The following DPYD variants were observed in gnomAD, a reference collection of about 807,000 sequenced individuals.
The protein encoded by DPYD is dihydropyrimidine dehydrogenase, also known as dihydropyrimidine dehydrogenase [NADP(+)].
DPYD carries 109 observed loss-of-function variants against 116.2 expected under a neutral mutation model. That is an observed-to-expected ratio of 0.94 (90% confidence interval 0.80 to 1.10). The LOEUF is 1.10. Ranked by LOEUF, DPYD falls within the 50% of genes least tolerant of loss-of-function variation. The probability of loss-of-function intolerance (pLI) is 0.00; values close to 1 mark genes in which losing one functional copy is unlikely to be tolerated. For missense variants in DPYD, 1,302 were observed against 1,254.5 expected, an observed-to-expected ratio of 1.04 and a Z score of -0.57; for synonymous variants, 440 against 432.0, an observed-to-expected ratio of 1.02 and a Z score of -0.23.
At chr1:97,433,601 A>G (rs978400969) in intron 14 of DPYD, among the ~76,000 whole-genome samples, 6 of 152,138 alleles carry the variant, frequency 3.9e-5, no homozygotes, top group Non-Finnish European at 1.5e-5. Flanking sequence ...ATAATCTCTT[A>G]TAGCTTTCTA....
At position 97,262,757 on chromosome 1, in the gene DPYD, GATA is replaced by G. The variant is rs71750812; in HGVS notation, c.2300-27766_2300-27764del. 9.7e-3 allele frequency among the ~76,000 whole-genome samples: 1,481 copies of G among 152,066 alleles called. 20 individuals carry two copies. The highest frequency in any genetic ancestry group is 0.034 in the African/African-American group (1,413 of 41,506). ...TTATAAGACATTTTCTGATAGAGAAGATAATATCAGACTTAGGTCTACAGCAGG... is the reference window on the plus strand; with the variant it reads ...TTATAAGACATTTTCTGATAGAGAAGATATCAGACTTAGGTCTACAGCAGG... On this transcript the variant is annotated intron_variant, in intron 18 of 22. Coordinates refer to ENST00000370192, the MANE Select transcript of DPYD (RefSeq NM_000110.4).
intron 1 of DPYD, among the ~76,000 whole-genome samples, chr1:97,894,320 C>T (rs754155589): frequency 1.3e-5 from 2 of 151,796 alleles, no homozygotes; most frequent in Non-Finnish European, 2.9e-5. Context: ...CTTCTAAAGG[C>T]TCCATCTTCA....
At chr1:97,476,273 A>G (rs536741446) in intron 13 of DPYD, among the ~76,000 whole-genome samples, 1 of 152,350 alleles carries the variant, frequency 6.6e-6, no homozygotes, top group South Asian at 2.1e-4. Context: ...TTGGACTATC[A>G]ATCAAAATCC....
At chr1:97,173,266 G>GTACATATATATGCACACATATA (rs1656904323) in intron 20 of DPYD, among the ~76,000 whole-genome samples, 1 of 146,346 alleles carries the variant, frequency 6.8e-6, no homozygotes, top group Admixed American at 6.7e-5. Context: ...GCACACATAT[G>GTACATATATATGCACACATATA]TACATATATA....
At chr1:97,650,966 C>A (rs1268832330) in intron 8 of DPYD, among the ~76,000 whole-genome samples, 1 of 151,984 alleles carries the variant, frequency 6.6e-6, no homozygotes, top group African/African-American at 2.4e-5. Flanking sequence ...ATTGTTCAAT[C>A]ATAAAATGAT....
intron 21 of DPYD, among the ~76,000 whole-genome samples, chr1:97,096,812 G>T (rs1017333204): frequency 6.6e-6 from 1 of 152,086 alleles, no homozygotes; most frequent in Non-Finnish European, 1.5e-5. Context: ...ACCTGCTGGG[G>T]TCCCTTTCCA....
intron 18 of DPYD, among the ~76,000 whole-genome samples, chr1:97,292,732 A>G (rs1159578136): frequency 6.6e-6 from 1 of 151,698 alleles, no homozygotes; most frequent in Non-Finnish European, 1.5e-5. Flanking sequence ...GCACACACAC[A>G]CACACACACA....
chr1:97,426,936 T>C (rs564847261), intron 14 of DPYD, among the ~76,000 whole-genome samples: 2 of 152,216 alleles, frequency 1.3e-5, no homozygotes, highest in East Asian at 3.9e-4. Flanking sequence ...TAGGCCAAAC[T>C]AGAATTTCAT....
intron 19 of DPYD, among the ~76,000 whole-genome samples, chr1:97,214,459 T>C (rs1195153859): frequency 6.6e-6 from 1 of 152,170 alleles, no homozygotes; most frequent in Non-Finnish European, 1.5e-5. Context: ...TCCTCCAAAA[T>C]AAGGCAGAAA....
chr1:97,300,200 A>G (rs532392061), intron 18 of DPYD, among the ~76,000 whole-genome samples: 2 of 152,272 alleles, frequency 1.3e-5, no homozygotes, highest in African/African-American at 4.8e-5. Context: ...GTCCATACAA[A>G]AAAAGGAAAA....
chr1:97,560,008 G>T (rs1432091515), intron 11 of DPYD, among the ~76,000 whole-genome samples: 1 of 152,130 alleles, frequency 6.6e-6, no homozygotes, highest in Non-Finnish European at 1.5e-5. Flanking sequence ...CACACCCTTA[G>T]GATTTAAACC....
At chr1:97,860,253 G>A (rs2101590073) in intron 2 of DPYD, among the ~76,000 whole-genome samples, 1 of 152,224 alleles carries the variant, frequency 6.6e-6, no homozygotes, top group South Asian at 2.1e-4. Context: ...TGAGATGGGA[G>A]GATCACTTGA....
intron 12 of DPYD, chr1:97,546,660 G>A: frequency 6.2e-7 from 1 of 1,612,848 alleles, no homozygotes; most frequent in Non-Finnish European, 8.5e-7. Flanking sequence ...ATAGGAAGGA[G>A]CAGACATTAA....
At chr1:97,509,904 T>G (rs995079008) in intron 13 of DPYD, among the ~76,000 whole-genome samples, 4 of 151,944 alleles carry the variant, frequency 2.6e-5, no homozygotes, top group African/African-American at 9.7e-5. Flanking sequence ...GATGTGACTT[T>G]GGGCATCAAT....
chr1:97,717,105 T>C (rs1260883976), intron 5 of DPYD, among the ~76,000 whole-genome samples: 1 of 152,000 alleles, frequency 6.6e-6, no homozygotes, highest in Non-Finnish European at 1.5e-5. Context: ...CAATTCCAGA[T>C]AGTTAATGGG....
intron 12 of DPYD, among the ~76,000 whole-genome samples, chr1:97,523,488 G>A (rs1323661259): frequency 6.6e-6 from 1 of 151,922 alleles, no homozygotes; most frequent in Non-Finnish European, 1.5e-5. Context: ...ATTGTCATCT[G>A]CAAGTTCCTT....
At chr1:97,756,769 C>A (rs1665267990) in intron 3 of DPYD, among the ~76,000 whole-genome samples, 2 of 152,248 alleles carry the variant, frequency 1.3e-5, no homozygotes, top group South Asian at 4.1e-4. Flanking sequence ...TATAAGATGA[C>A]AGTACAGTAT....
At chr1:97,424,827 A>G (rs952658124) in intron 14 of DPYD, among the ~76,000 whole-genome samples, 2 of 152,080 alleles carry the variant, frequency 1.3e-5, no homozygotes, top group African/African-American at 4.8e-5. Flanking sequence ...AGTTTTCCAC[A>G]ACATATAAAC....
At chr1:97,204,051 G>A (rs951612359) in intron 19 of DPYD, among the ~76,000 whole-genome samples, 1 of 152,048 alleles carries the variant, frequency 6.6e-6, no homozygotes, top group Non-Finnish European at 1.5e-5. Context: ...AGTTGATTAA[G>A]AGTGAATAAA....
Sources: gnomAD v4.1 joint callset for allele counts (sites outside exome capture counted in the v4.1 genomes callset) on GRCh38, gnomAD v4.1.1 for gene constraint, MANE v1.5 for transcripts, NCBI Gene and HGNC (gene_info 2026-07-23, HGNC 2026-07-21) for gene names.